The following KRT79 variants were observed in gnomAD, a reference collection of about 807,000 sequenced individuals.
KRT79 encodes keratin 79.
In KRT79, 51 loss-of-function variants were observed where a neutral mutation model predicts 49.0. That is an observed-to-expected ratio of 1.04 (90% CI 0.83 to 1.31). KRT79 has a LOEUF of 1.31. KRT79 is among the 40% of genes most tolerant of loss of function. KRT79 has a pLI of 0.00. For missense variants in KRT79, 728 were observed against 688.0 expected, an observed-to-expected ratio of 1.06 and a Z score of -0.65; for synonymous variants, 312 against 286.6, an observed-to-expected ratio of 1.09 and a Z score of -0.90.
intron 7 of KRT79, among the ~76,000 whole-genome samples, 169 bp downstream of exon 7, chr12:52,822,847 G>T (rs995512805): frequency 6.6e-6 from 1 of 152,190 alleles, no homozygotes; most frequent in African/African-American, 2.4e-5. Context: ...TGCCAACCAA[G>T]GAGAGGAGTG....
chr12:52,826,945 G>A (rs897870840), intron 4 of KRT79, among the ~76,000 whole-genome samples: 9 of 152,144 alleles, frequency 5.9e-5, no homozygotes, highest in Non-Finnish European at 1.3e-4. Flanking sequence ...GGCACTGCTG[G>A]GCCGTGAGGA....
Position 52,821,613 on chromosome 12 carries a change from C to CGCCGTATCATTAAA in KRT79, c.*258_*259insTTTAATGATACGGC. Reference sequence around the variant, plus strand: ...AGAAATTCAGCCTCCTCTCGGTGGTCAAAAGGTCACCCCCAAGTCACCCAA... The same window carrying CGCCGTATCATTAAA: ...AGAAATTCAGCCTCCTCTCGGTGGTCGCCGTATCATTAAAAAAAGGTCACCCCCAAGTCACCCAA... On this transcript the variant is annotated 3_prime_UTR_variant, in exon 9 of 9. Coordinates refer to ENST00000330553, the MANE Select transcript of KRT79 (RefSeq NM_175834.3). 2.0e-6 allele frequency: 1 copy of CGCCGTATCATTAAA among 494,328 alleles called. No homozygotes were observed. Among genetic ancestry groups the CGCCGTATCATTAAA allele is most frequent in the South Asian group, 2.3e-5 (1 of 43,482 alleles). The allele number at this position is 494,328 out of a possible 1,614,324, so 30.6% of individuals were successfully genotyped here.
At chr12:52,823,839 C>T in intron 6 of KRT79, 48 bp downstream of exon 6, 9 of 1,578,810 alleles carry the variant, frequency 5.7e-6, no homozygotes, top group Non-Finnish European at 6.9e-6. Context: ...AATGAGAAGG[C>T]CCTGCCAACA....
chr12:52,825,531 C>A (rs959570633), intron 4 of KRT79, among the ~76,000 whole-genome samples: 1 of 152,070 alleles, frequency 6.6e-6, no homozygotes, highest in Non-Finnish European at 1.5e-5. Context: ...CAGTTTCAAA[C>A]CCCAGGAGTC....
rs1158443773 is a variant in KRT79, at chr12:52,821,435, C to T, written c.*437G>A. 1 of 204,436 alleles carries T rather than the reference C, an allele frequency of 4.9e-6. No individual in the cohort carries two copies. The highest frequency in any genetic ancestry group is 9.8e-6 in the Non-Finnish European group (1 of 101,906). The allele number at this position is 204,436 out of a possible 1,614,324, so 12.7% of individuals were successfully genotyped here. ...CCCCAGGCAGGACAGACTGCAGCCA[C>T]AGACAGCTAGCTGCAGTTGCACCAT... On this transcript the variant is annotated 3_prime_UTR_variant, in exon 9 of 9. Transcript: ENST00000330553.
intron 7 of KRT79, 91 bp downstream of exon 7, chr12:52,822,925 C>T (rs1940115572): frequency 3.8e-6 from 5 of 1,314,328 alleles, no homozygotes; most frequent in Middle Eastern, 2.7e-4. Flanking sequence ...TGGTTCCTCT[C>T]TCCCTCTCTT....
rs1294648911 is a variant in KRT79, at chr12:52,833,966, C to T, written c.295G>A (p.Gly99Arg). The part of the protein sequence containing the change: ...GFGSRAFMGQ[G>R]AGRQTFGPAC... Reference sequence around the variant, plus strand: ...GGCCCAAACGTCTGCCTGCCAGCCCCCTGTCCCATAAATGCCCTGCTGCCA... The same window carrying T: ...GGCCCAAACGTCTGCCTGCCAGCCCTCTGTCCCATAAATGCCCTGCTGCCA... Residue 99 changes from glycine (G) to arginine (R), a missense_variant, in exon 1 of 9, where the codon GGG (glycine) becomes AGG (arginine). Coordinates refer to ENST00000330553, the MANE Select transcript of KRT79 (RefSeq NM_175834.3). 3 of 1,613,334 alleles carry T rather than the reference C, an allele frequency of 1.9e-6. No homozygotes were observed. The highest frequency in any genetic ancestry group is 2.5e-6 in the Non-Finnish European group (3 of 1,179,552).
intron 4 of KRT79, among the ~76,000 whole-genome samples, chr12:52,825,132 T>C (rs145453484): frequency 1.4e-3 from 210 of 152,308 alleles, no homozygotes; most frequent in African/African-American, 4.6e-3. Flanking sequence ...AGGACTGTGA[T>C]GGCTCCCACG....
chr12:52,830,330 G>A (rs780470893), intron 2 of KRT79, 38 bp from the exon 3 acceptor site: 1 of 1,601,620 alleles, frequency 6.2e-7, no homozygotes, highest in Non-Finnish European at 8.6e-7. Flanking sequence ...GCTCAGCCTG[G>A]CTCTGCCTTT....
At chr12:52,830,455 G>A (rs1940237091) in intron 2 of KRT79, 163 bp from the exon 3 acceptor site, 2 of 610,584 alleles carry the variant, frequency 3.3e-6, no homozygotes, top group East Asian at 5.5e-5. Context: ...CATGGGGTCT[G>A]CCTTGATTTA....
rs371481181 is a variant in KRT79 at position 52,822,281 on chromosome 12, T to C, written c.1402+64A>G. 1.9e-3 allele frequency: 2,877 copies of C among 1,544,846 alleles called. 5 individuals are homozygous for C. The highest frequency in any genetic ancestry group is 1.8e-3 in the South Asian group (154 of 86,078). On this transcript the variant is annotated intron_variant, in intron 8 of 8. Transcript: ENST00000330553. The stretch of plus-strand genomic sequence containing the variant: ...TGCTTTAGGACAGGTACAGGTTGCA[T>C]AAACTGAGCAGAGTTCTGGGGCCTG...
At chr12:52,826,303 T>G (rs1940174875) in intron 4 of KRT79, among the ~76,000 whole-genome samples, 1 of 152,028 alleles carries the variant, frequency 6.6e-6, no homozygotes, top group Non-Finnish European at 1.5e-5. Context: ...CCCAGCATTT[T>G]GGGAGTTCAA....
Position 52,821,991 on chromosome 12 carries a change from T to TG in KRT79, c.1488dup (p.Thr497HisfsTer12). The TG allele has an allele frequency of 6.2e-7, 1 of 1,614,198 alleles. No individual in the cohort carries two copies. Among genetic ancestry groups the TG allele is most frequent in the Non-Finnish European group, 8.5e-7 (1 of 1,180,030 alleles). ...ACATTTGTGCTGAATCCACCCTTGG[T>TG]GGCCCCCCCACTCCCACCCAGGGAG... On this transcript the variant is annotated frameshift_variant, in exon 9 of 9. Transcript: ENST00000330553. LOFTEE classifies it high-confidence loss of function.
In KRT79 at chr12:52,834,157, G is replaced by C; in HGVS notation, c.104C>G (p.Ser35Ter). The change falls in exon 1 of 9, where the codon TCA becomes TGA. Residue 35 changes from serine (S) to a stop codon, truncating the protein, a stop_gained. Coordinates refer to ENST00000330553, the MANE Select transcript of KRT79 (RefSeq NM_175834.3). LOFTEE classifies it high-confidence loss of function. ...GCCACTGCTCCGAGACACCGTCACT[G>C]AGCTGAAGCTGGTGCGGGCCTGGGA... is the stretch of plus-strand genomic sequence containing the variant. ...SGSQARTSFS[S>*]VTVSRSSGSG... 6.2e-7 allele frequency: 1 copy of C among 1,613,648 alleles called. No homozygotes were observed. The highest frequency in any genetic ancestry group is 1.3e-5 in the African/African-American group (1 of 75,030).
At chr12:52,833,402 A>C (rs1385650184) in intron 1 of KRT79, among the ~76,000 whole-genome samples, 1 of 152,218 alleles carries the variant, frequency 6.6e-6, no homozygotes, top group African/African-American at 2.4e-5. Flanking sequence ...CCCCAGCTGT[A>C]AAATGACAAA....
In KRT79 at chr12:52,833,774, C is replaced by G; in HGVS notation, c.477+10G>C. On this transcript the variant is annotated intron_variant, in intron 1 of 8. Coordinates refer to ENST00000330553, the MANE Select transcript of KRT79 (RefSeq NM_175834.3). ...CCAAGAGCTCCCTTCCTCCTTCCTG[C>G]TTGGCCCACCTTGTCGATGAAGGAG... The G allele has an allele frequency of 1.2e-6, 2 of 1,609,576 alleles. No homozygotes were observed. Among genetic ancestry groups the G allele is most frequent in the Non-Finnish European group, 1.7e-6 (2 of 1,176,014 alleles).
chr12:52,831,677 G>A (rs1940258405), intron 1 of KRT79, 51 bp from the exon 2 acceptor site: 2 of 1,508,056 alleles, frequency 1.3e-6, no homozygotes. Flanking sequence ...GTCACCAGAG[G>A]AGCCAAGGAT....
At position 52,833,862 on chromosome 12, in the gene KRT79, G is replaced by C. The variant is rs78509151; in HGVS notation, c.399C>G (p.Pro133=). The C allele has an allele frequency of 3.5e-5, 56 of 1,613,944 alleles. No homozygotes were observed. The highest frequency in any genetic ancestry group is 4.7e-5 in the Non-Finnish European group (55 of 1,179,984). ...CCTGAGTGCGCACTCGCTGGATCTCGGGGTCAATCTCCACATGGAGGGGGG... is the reference window on the plus strand; with the variant it reads ...CCTGAGTGCGCACTCGCTGGATCTCCGGGTCAATCTCCACATGGAGGGGGG... ...LLTPLHVEID[P]EIQRVRTQER... The change falls in exon 1 of 9, where the codon CCC becomes CCG. Residue 133 remains proline, a synonymous_variant. Transcript: ENST00000330553.
chr12:52,821,640 C>T lies in KRT79; in HGVS notation c.*232G>A. 1.8e-6 allele frequency: 1 copy of T among 569,308 alleles called. No homozygotes were observed. The highest frequency in any genetic ancestry group is 4.8e-4 in the Middle Eastern group (1 of 2,098). 35.3% of individuals were successfully genotyped at this position (569,308 alleles called of 1,614,324 possible). A position where few individuals can be genotyped will look rare whatever the true frequency, so the allele number is the denominator to read the frequency against. On this transcript the variant is annotated 3_prime_UTR_variant, in exon 9 of 9. Coordinates refer to ENST00000330553, the MANE Select transcript of KRT79 (RefSeq NM_175834.3). The stretch of plus-strand genomic sequence containing the variant: ...AAAGGTCACCCCCAAGTCACCCAAG[C>T]ACATCACTCAAGCTGGCAACTTTAA...
Sources: allele counts gnomAD v4.1 joint callset (sites outside exome capture counted in the v4.1 genomes callset), GRCh38; gene constraint gnomAD v4.1.1; transcripts MANE v1.5; gene names NCBI Gene and HGNC (gene_info 2026-07-23, HGNC 2026-07-21).